WWOX: variants seen among roughly 807,000 people sequenced by gnomAD.
WWOX encodes WW domain-containing oxidoreductase.
WWOX carries 69 observed loss-of-function variants against 46.2 expected under a neutral mutation model. That is an observed-to-expected ratio of 1.49 (90% CI 1.23 to 1.82). The LOEUF is 1.82. WWOX is among the 40% of genes most tolerant of loss of function. WWOX has a pLI of 0.00. For missense variants in WWOX, 919 were observed against 542.6 expected (o/e 1.69, Z -6.89); for synonymous variants, 359 against 202.6 (o/e 1.77, Z -6.56).
rs569201717 is a variant in WWOX at position 78,624,849 on chromosome 16, T to A, written c.1056+192097T>A. ...ATTTGTTTGCCTAAAGGAGCAGATA[T>A]CGTATGAACATGATTTTGAATGCTG... On this transcript the variant is annotated intron_variant, in intron 8 of 8. Transcript: ENST00000566780. Among the ~76,000 whole-genome samples the A allele has an allele frequency of 5.9e-4, 90 of 152,344 alleles. 3 individuals are homozygous for A. The South Asian group carries it at 0.018, about 31-fold the overall frequency.
At chr16:79,024,318 G>T (rs112840983) in intron 8 of WWOX, among the ~76,000 whole-genome samples, 2 of 152,148 alleles carry the variant, frequency 1.3e-5, no homozygotes, top group African/African-American at 4.8e-5. Flanking sequence ...TGGTGCAGTG[G>T]CACAGTCACA....
Position 79,156,902 on chromosome 16 carries a change from T to C in WWOX, c.1057-54706T>C, listed in dbSNP as rs139115143. Among the ~76,000 whole-genome samples, 338 of 152,046 alleles carry C rather than the reference T, an allele frequency of 2.2e-3. 1 individual carries two copies. Among genetic ancestry groups the C allele is most frequent in the African/African-American group, 7.9e-3 (325 of 41,354 alleles). ...AAACTAACAACTAACAGAAAAACTT[T>C]TCATGTCGAATATGTAGATTTACAA... is the stretch of plus-strand genomic sequence containing the variant. On this transcript the variant is annotated intron_variant, in intron 8 of 8. Coordinates refer to ENST00000566780, the MANE Select transcript of WWOX (RefSeq NM_016373.4).
At chr16:78,603,043 G>GA (rs1262782483) in intron 8 of WWOX, among the ~76,000 whole-genome samples, 2 of 152,184 alleles carry the variant, frequency 1.3e-5, no homozygotes, top group East Asian at 3.9e-4. Flanking sequence ...CAGAAATTGT[G>GA]AACGGGGTGG....
intron 8 of WWOX, among the ~76,000 whole-genome samples, chr16:79,092,626 C>T (rs945276604): frequency 5.3e-5 from 8 of 152,096 alleles, no homozygotes; most frequent in African/African-American, 9.7e-5. Flanking sequence ...CTGGCGAAAC[C>T]CCTTTTTCCA....
chr16:78,154,268 C>T (rs2034519345), intron 4 of WWOX, among the ~76,000 whole-genome samples: 1 of 152,270 alleles, frequency 6.6e-6, no homozygotes, highest in East Asian at 1.9e-4. Context: ...GGTCACAAGG[C>T]CACAGTATCT....
At chr16:78,161,116 A>ATACAG (rs1301924674) in intron 4 of WWOX, among the ~76,000 whole-genome samples, 1 of 151,970 alleles carries the variant, frequency 6.6e-6, no homozygotes, top group Non-Finnish European at 1.5e-5. Context: ...GGCCCGTGTT[A>ATACAG]TACAGTATAC....
chr16:78,391,127 C>T (rs766274417), intron 6 of WWOX, among the ~76,000 whole-genome samples: 3 of 152,312 alleles, frequency 2.0e-5, no homozygotes, highest in Non-Finnish European at 4.4e-5. Context: ...CACCCGCCGT[C>T]TGCCTTCTGT....
At chr16:78,706,872 G>C (rs1325630794) in intron 8 of WWOX, among the ~76,000 whole-genome samples, 1 of 152,076 alleles carries the variant, frequency 6.6e-6, no homozygotes, top group East Asian at 1.9e-4. Context: ...ATCCTGGCTG[G>C]CTGCAGCCTT....
intron 8 of WWOX, among the ~76,000 whole-genome samples, chr16:78,794,271 A>G (rs1448930106): frequency 6.6e-6 from 1 of 152,176 alleles, no homozygotes. Flanking sequence ...TGCTTCCTTG[A>G]TCTTGGACTT....
At chr16:78,514,169 G>A (rs1054769947) in intron 8 of WWOX, among the ~76,000 whole-genome samples, 1 of 152,164 alleles carries the variant, frequency 6.6e-6, no homozygotes, top group Non-Finnish European at 1.5e-5. Flanking sequence ...CTTAGAGAGT[G>A]ACTTTCAGAT....
chr16:78,279,723 G>A (rs2079642129), intron 5 of WWOX, among the ~76,000 whole-genome samples: 1 of 152,156 alleles, frequency 6.6e-6, no homozygotes, highest in South Asian at 2.1e-4. Flanking sequence ...GTAATAGTAA[G>A]GAACAACAGT....
intron 8 of WWOX, among the ~76,000 whole-genome samples, chr16:78,641,565 C>A (rs1042304730): frequency 6.6e-6 from 1 of 152,122 alleles, no homozygotes; most frequent in African/African-American, 2.4e-5. Flanking sequence ...ATTCTGCTGG[C>A]CCTAAATAGG....
intron 8 of WWOX, among the ~76,000 whole-genome samples, chr16:78,810,690 G>C (rs563648588): frequency 6.6e-6 from 1 of 152,136 alleles, no homozygotes; most frequent in Non-Finnish European, 1.5e-5. Context: ...ATTGAAGCGG[G>C]CCATAGTATC....
rs543761845 is a variant in WWOX, at chr16:78,335,363, C to T, written c.517-51497C>T. On this transcript the variant is annotated intron_variant, in intron 5 of 8. Coordinates refer to ENST00000566780, the MANE Select transcript of WWOX (RefSeq NM_016373.4). The stretch of plus-strand genomic sequence containing the variant: ...TCATCATGCAGCTCCCACTTATAAA[C>T]GAGAGCATGCAGTGTTTGGTTTTCA... Among the ~76,000 whole-genome samples, 31 of 152,264 alleles carry T rather than the reference C, an allele frequency of 2.0e-4. 1 individual carries two copies. The East Asian group carries it at 3.9e-3, about 19-fold the overall frequency.
chr16:78,159,204 C>T (rs1010687070), intron 4 of WWOX, among the ~76,000 whole-genome samples: 3 of 152,018 alleles, frequency 2.0e-5, no homozygotes, highest in East Asian at 1.9e-4. Flanking sequence ...TCCATTCATT[C>T]ATCAGTAGAA....
chr16:78,634,667 C>G (rs1428439860), intron 8 of WWOX, among the ~76,000 whole-genome samples: 1 of 149,204 alleles, frequency 6.7e-6, no homozygotes. Context: ...GATTGCGCCA[C>G]TGCACTCCAG....
At chr16:79,193,861 GC>G (rs2051186802) in intron 8 of WWOX, among the ~76,000 whole-genome samples, 1 of 152,148 alleles carries the variant, frequency 6.6e-6, no homozygotes, top group African/African-American at 2.4e-5. Flanking sequence ...ACAAGAGAAG[GC>G]CCCAGTAACC....
chr16:79,182,088 A>G (rs2050923832), intron 8 of WWOX, among the ~76,000 whole-genome samples: 1 of 137,568 alleles, frequency 7.3e-6, no homozygotes, highest in African/African-American at 3.5e-5. Context: ...TACCCAAAGG[A>G]TGATTCCTGC....
At chr16:78,196,742 G>C (rs1334987376) in intron 5 of WWOX, among the ~76,000 whole-genome samples, 1 of 152,040 alleles carries the variant, frequency 6.6e-6, no homozygotes, top group Non-Finnish European at 1.5e-5. Context: ...TTATATTATT[G>C]GCCCTATTTT....
Sources: gnomAD v4.1 joint callset for allele counts (sites outside exome capture counted in the v4.1 genomes callset) on GRCh38, gnomAD v4.1.1 for gene constraint, MANE v1.5 for transcripts, NCBI Gene and HGNC (gene_info 2026-07-23, HGNC 2026-07-21) for gene names.